The following WNT9A variants were observed in gnomAD, a reference collection of about 807,000 sequenced individuals.
WNT9A encodes Wnt family member 9A, also known as protein Wnt-9a.
In WNT9A, 8 loss-of-function variants were observed where a neutral mutation model predicts 31.4. That is an observed-to-expected ratio of 0.26 (90% confidence interval 0.15 to 0.46). The LOEUF is 0.46. Ranked by LOEUF, WNT9A falls within the 20% of genes least tolerant of loss-of-function variation. The pLI is 0.99. For missense variants in WNT9A, 457 were observed against 522.9 expected (o/e 0.87, Z 1.23); for synonymous variants, 236 against 220.1 (o/e 1.07, Z -0.64).
In WNT9A at chr1:227,926,387, G is replaced by A. The variant is rs1469249230; in HGVS notation, c.96-868C>T. On this transcript the variant is annotated intron_variant, in intron 1 of 3. Coordinates refer to ENST00000272164, the MANE Select transcript of WNT9A (RefSeq NM_003395.4). The surrounding 1 kb of genome is among the most constrained non-coding windows in gnomAD (Gnocchi z 5.0). ...CCAGCTGGCTGCTGGCTCACCTGCTGCTGCTGCTGGGCTCACTTCACAAGG... is the reference window on the plus strand; with the variant it reads ...CCAGCTGGCTGCTGGCTCACCTGCTACTGCTGCTGGGCTCACTTCACAAGG... Among the ~76,000 whole-genome samples, 2 of 152,022 alleles carry A rather than the reference G, an allele frequency of 1.3e-5. No homozygotes were observed. Among genetic ancestry groups the A allele is most frequent in the Non-Finnish European group, 2.9e-5 (2 of 67,992 alleles).
rs770783761 is a variant in WNT9A at position 227,921,512 on chromosome 1, G to A, written c.*6C>T. 2 of 1,601,400 alleles carry A rather than the reference G, an allele frequency of 1.2e-6. No homozygotes were observed. Among genetic ancestry groups the A allele is most frequent in the Non-Finnish European group, 8.5e-7 (1 of 1,172,022 alleles). ...CTGTGCAGCAGGGCTGGCAGGGCCT[G>A]GGAACTCAGCCCTTGCAGGTGTAGA... On this transcript the variant is annotated 3_prime_UTR_variant, in exon 4 of 4. Transcript: ENST00000272164.
intron 1 of WNT9A, among the ~76,000 whole-genome samples, chr1:227,938,712 G>A (rs541990656): frequency 3.3e-5 from 5 of 152,126 alleles, no homozygotes; most frequent in East Asian, 3.9e-4. Context: ...GTAAAAATTC[G>A]CTTTAGTTGT....
chr1:227,945,560 C>T (rs929224114), intron 1 of WNT9A, among the ~76,000 whole-genome samples: 2 of 152,126 alleles, frequency 1.3e-5, no homozygotes, highest in Non-Finnish European at 1.5e-5. Context: ...TAACTGGAGC[C>T]GTGTTCCTGC....
intron 3 of WNT9A, 76 bp downstream of exon 3, chr1:227,924,062 T>TTCCC: frequency 5.1e-5 from 12 of 234,960 alleles, no homozygotes; most frequent in Non-Finnish European, 7.0e-5. Flanking sequence ...CCGCCCCCAG[T>TTCCC]CCCACGCCCC....
chr1:227,924,511 A>G, intron 2 of WNT9A, 111 bp from the exon 3 acceptor site: 1 of 1,435,922 alleles, frequency 7.0e-7, no homozygotes. Context: ...GGCTCAGAGC[A>G]TCTTTCCTGG....
intron 1 of WNT9A, among the ~76,000 whole-genome samples, chr1:227,937,459 C>T (rs1194641798): frequency 2.0e-5 from 3 of 152,222 alleles, no homozygotes; most frequent in Non-Finnish European, 2.9e-5. Context: ...CAGTCAGGGG[C>T]CTTATGTGGA....
intron 2 of WNT9A, among the ~76,000 whole-genome samples, chr1:227,924,985 T>G (rs892963008): frequency 6.6e-6 from 1 of 151,956 alleles, no homozygotes; most frequent in Non-Finnish European, 1.5e-5. Flanking sequence ...CCGAGGGCTG[T>G]CGGGGCAGCC....
chr1:227,945,538 G>A (rs1426379996), intron 1 of WNT9A, among the ~76,000 whole-genome samples: 1 of 152,198 alleles, frequency 6.6e-6, no homozygotes, highest in Non-Finnish European at 1.5e-5. Context: ...TCCTCTCCGG[G>A]TTCCTGGGCT....
At chr1:227,946,875 A>G (rs1666802888) in intron 1 of WNT9A, among the ~76,000 whole-genome samples, 1 of 152,048 alleles carries the variant, frequency 6.6e-6, no homozygotes, top group African/African-American at 2.4e-5. Flanking sequence ...GGAGCGGCCC[A>G]GGGCGTCCAG....
At chr1:227,943,776 A>G (rs572526182) in intron 1 of WNT9A, among the ~76,000 whole-genome samples, 1 of 152,206 alleles carries the variant, frequency 6.6e-6, no homozygotes, top group Non-Finnish European at 1.5e-5. Context: ...GGAGTTCAAA[A>G]TCAGCCTGGA....
At position 227,921,903 on chromosome 1, in the gene WNT9A, T is replaced by C; in HGVS notation, c.713A>G (p.Glu238Gly). Residue 238 changes from glutamate to glycine, a missense_variant, in exon 4 of 4, where the codon GAG becomes GGG. Coordinates refer to ENST00000272164, the MANE Select transcript of WNT9A (RefSeq NM_003395.4). ...TCWRQLAPFH[E>G]VGKHLKHKYE... ...CTTGTGCTTCAGATGCTTGCCCACC[T>C]CATGGAAAGGCGCCAACTGCCGCCA... is the stretch of plus-strand genomic sequence containing the variant. The C allele has an allele frequency of 6.2e-7, 1 of 1,613,178 alleles. No individual in the cohort carries two copies. Among genetic ancestry groups the C allele is most frequent in the East Asian group, 2.2e-5 (1 of 44,872 alleles).
chr1:227,921,113 C>CCGT lies in WNT9A; in HGVS notation c.*404_*405insACG. 4.5e-6 allele frequency: 1 copy of CCGT among 220,928 alleles called. No individual in the cohort carries two copies. Among genetic ancestry groups the CCGT allele is most frequent in the Non-Finnish European group, 9.1e-6 (1 of 110,266 alleles). 13.7% of individuals were successfully genotyped at this position (220,928 alleles called of 1,614,324 possible). A position where few individuals can be genotyped will look rare whatever the true frequency, so the allele number is the denominator to read the frequency against. ...TCCCTTGCAGGTGTAGACCTTCTCA[C>CCGT]ACCATGTGCAATGCCTGCACTCTGA... is the stretch of plus-strand genomic sequence containing the variant. On this transcript the variant is annotated 3_prime_UTR_variant, in exon 4 of 4. Transcript: ENST00000272164.
At position 227,926,940 on chromosome 1, in the gene WNT9A, C is replaced by T. The variant is rs561479997; in HGVS notation, c.96-1421G>A. On this transcript the variant is annotated intron_variant, in intron 1 of 3. Coordinates refer to ENST00000272164, the MANE Select transcript of WNT9A (RefSeq NM_003395.4). The surrounding 1 kb of genome is among the most constrained non-coding windows in gnomAD (Gnocchi z 5.0). ...TAACCCCAAGGCTACTGAGGGGCACCTGCCTCCAGGGCCACAGGCGCAGGC... is the reference window on the plus strand; with the variant it reads ...TAACCCCAAGGCTACTGAGGGGCACTTGCCTCCAGGGCCACAGGCGCAGGC... Among the ~76,000 whole-genome samples, 17 of 152,248 alleles carry T rather than the reference C, an allele frequency of 1.1e-4. 1 individual carries two copies. The South Asian group carries it at 2.7e-3, about 24-fold the overall frequency.
intron 1 of WNT9A, among the ~76,000 whole-genome samples, chr1:227,941,900 CG>C (rs1380752227): frequency 6.6e-6 from 1 of 152,090 alleles, no homozygotes; most frequent in African/African-American, 2.4e-5. Flanking sequence ...GTGGCGCGAC[CG>C]AGGCCTGTCA....
At chr1:227,947,411 T>G (rs1038194941) in intron 1 of WNT9A, among the ~76,000 whole-genome samples, 1 of 152,178 alleles carries the variant, frequency 6.6e-6, no homozygotes, top group African/African-American at 2.4e-5. Flanking sequence ...GGGGGGAAGC[T>G]GCTAGGTGGG....
chr1:227,947,132 C>A (rs1666807468), intron 1 of WNT9A, among the ~76,000 whole-genome samples: 3 of 152,160 alleles, frequency 2.0e-5, no homozygotes, highest in Admixed American at 2.0e-4. Context: ...CCCGGCAAAG[C>A]GCTGCTGCAG....
chr1:227,926,745 T>A lies in WNT9A; in HGVS notation c.96-1226A>T, dbSNP rs1462141526. On this transcript the variant is annotated intron_variant, in intron 1 of 3. Transcript: ENST00000272164. This position sits in a 1 kb window ranked among gnomAD's most constrained non-coding sequence, Gnocchi z 5.0. Reference sequence around the variant, plus strand: ...CCAGCAGAGAACGGCAGACTCAGGATGTGCTGGGAGCCACCGGGGTGCCAG... The same window carrying A: ...CCAGCAGAGAACGGCAGACTCAGGAAGTGCTGGGAGCCACCGGGGTGCCAG... 6.6e-6 allele frequency among the ~76,000 whole-genome samples: 1 copy of A among 151,828 alleles called. No individual in the cohort carries two copies. The highest frequency in any genetic ancestry group is 1.5e-5 in the Non-Finnish European group (1 of 67,960).
chr1:227,932,611 T>C (rs1324013485), intron 1 of WNT9A, among the ~76,000 whole-genome samples: 1 of 152,258 alleles, frequency 6.6e-6, no homozygotes, highest in Admixed American at 6.5e-5. Context: ...TCACTGTCTA[T>C]GGCAGCTGTA....
At chr1:227,935,940 T>C (rs1239327628) in intron 1 of WNT9A, among the ~76,000 whole-genome samples, 1 of 152,244 alleles carries the variant, frequency 6.6e-6, no homozygotes, top group African/African-American at 2.4e-5. Flanking sequence ...CCCTGAGTTA[T>C]GTGCTAATTG....
Sources: allele counts gnomAD v4.1 joint callset (sites outside exome capture counted in the v4.1 genomes callset), GRCh38; gene constraint gnomAD v4.1.1; non-coding constraint Gnocchi (gnomAD v3.1); transcripts MANE v1.5; gene names NCBI Gene and HGNC (gene_info 2026-07-23, HGNC 2026-07-21).